NRG2: variants seen among roughly 807,000 people sequenced by gnomAD.
NRG2 encodes the protein neuregulin 2.
NRG2 carries 27 observed loss-of-function variants against 73.9 expected under a neutral mutation model. The ratio of observed to expected loss-of-function variants is 0.37; its 90% CI spans 0.27 to 0.50. NRG2 has a LOEUF of 0.50. Among genes scored for constraint, NRG2 ranks in the 20% least tolerant of loss-of-function variants. NRG2 has a pLI of 0.96. For missense variants in NRG2, 1,126 were observed against 1,210.1 expected (o/e 0.93, Z 1.03); for synonymous variants, 532 against 541.0 (o/e 0.98, Z 0.23).
rs571933635 is a variant in NRG2 at position 139,895,768 on chromosome 5, G to A, written c.701-8257C>T. ...CCACTATCATCTCTTCAGCTGCTGAGGGCAGAGGTCGGGGACAAAGCAGAG... is the reference window on the plus strand; with the variant it reads ...CCACTATCATCTCTTCAGCTGCTGAAGGCAGAGGTCGGGGACAAAGCAGAG... On this transcript the variant is annotated intron_variant, in intron 1 of 9. Coordinates refer to ENST00000361474, the MANE Select transcript of NRG2 (RefSeq NM_004883.3). Among the ~76,000 whole-genome samples, 5 of 152,354 alleles carry A rather than the reference G, an allele frequency of 3.3e-5. No homozygotes were observed. In the East Asian group the frequency reaches 9.6e-4, roughly 29 times the overall value.
chr5:139,931,129 T>G (rs1752439931), intron 1 of NRG2, among the ~76,000 whole-genome samples: 1 of 152,192 alleles, frequency 6.6e-6, no homozygotes, highest in South Asian at 2.1e-4. Flanking sequence ...ATGATACCTA[T>G]CATACAAGGG....
intron 1 of NRG2, among the ~76,000 whole-genome samples, chr5:139,889,002 C>T (rs1433590317): frequency 6.6e-6 from 1 of 152,084 alleles, no homozygotes; most frequent in East Asian, 1.9e-4. Context: ...ACAGTGTAAC[C>T]CTTTCGCCTG....
rs1273362768 is a variant in NRG2 at position 139,870,845 on chromosome 5, G to T, written c.1112+876C>A. Among the ~76,000 whole-genome samples the T allele has an allele frequency of 6.6e-6, 1 of 152,214 alleles. No homozygotes were observed. Among genetic ancestry groups the T allele is most frequent in the Non-Finnish European group, 1.5e-5 (1 of 68,028 alleles). ...TAGGCCCAGCTGCCCAGAAGATCTGGCTGGGCCTGAACGAGCCCTCCCTGA... is the reference window on the plus strand; with the variant it reads ...TAGGCCCAGCTGCCCAGAAGATCTGTCTGGGCCTGAACGAGCCCTCCCTGA... On this transcript the variant is annotated intron_variant, in intron 4 of 9. Transcript: ENST00000361474. The surrounding 1 kb of genome is among the most constrained non-coding windows in gnomAD (Gnocchi z 4.4).
rs1359455494 is a variant in NRG2, at chr5:139,856,569, C to A, written c.1190-791G>T. 6.6e-6 allele frequency among the ~76,000 whole-genome samples: 1 copy of A among 152,184 alleles called. No homozygotes were observed. Among genetic ancestry groups the A allele is most frequent in the Non-Finnish European group, 1.5e-5 (1 of 68,016 alleles). ...GCCCGGAGACCCCACCCGTGCCCAC[C>A]ACACCTGCTGGCTGGCCCCTCCTCC... On this transcript the variant is annotated intron_variant, in intron 5 of 9. Transcript: ENST00000361474. The surrounding 1 kb of genome is among the most constrained non-coding windows in gnomAD (Gnocchi z 4.2).
chr5:139,915,973 G>A lies in NRG2; in HGVS notation c.701-28462C>T, dbSNP rs562314094. The stretch of plus-strand genomic sequence containing the variant: ...GGGAACCAGGCTGCCCAGAGCACCT[G>A]GAGCTCATGCTAAGGGAATGAAAGG... On this transcript the variant is annotated intron_variant, in intron 1 of 9. Coordinates refer to ENST00000361474, the MANE Select transcript of NRG2 (RefSeq NM_004883.3). The surrounding 1 kb of genome is among the most constrained non-coding windows in gnomAD (Gnocchi z 4.0). Among the ~76,000 whole-genome samples the A allele has an allele frequency of 6.6e-6, 1 of 152,290 alleles. No individual in the cohort carries two copies. The highest frequency in any genetic ancestry group is 2.4e-5 in the African/African-American group (1 of 41,556).
chr5:139,861,225 T>C (rs1435329153), intron 5 of NRG2, among the ~76,000 whole-genome samples: 1 of 152,180 alleles, frequency 6.6e-6, no homozygotes. Context: ...CTAGCCTGGA[T>C]TGGCTCACTC....
At chr5:139,949,545 C>A (rs1011284631) in intron 1 of NRG2, among the ~76,000 whole-genome samples, 5 of 151,944 alleles carry the variant, frequency 3.3e-5, no homozygotes, top group African/African-American at 1.2e-4. Context: ...TAATTAGAAA[C>A]ATTTTGATGT....
intron 9 of NRG2, among the ~76,000 whole-genome samples, chr5:139,848,926 A>G (rs1372672858): frequency 6.6e-6 from 1 of 152,164 alleles, no homozygotes; most frequent in Non-Finnish European, 1.5e-5. Context: ...CATGGTGTTG[A>G]TTCCATAGCT....
chr5:139,983,354 G>A (rs1046627717), intron 1 of NRG2, among the ~76,000 whole-genome samples: 6 of 152,198 alleles, frequency 3.9e-5, no homozygotes, highest in East Asian at 1.9e-4. Context: ...AGTGCCCTGC[G>A]TCTGAGAGTG....
At chr5:139,987,441 A>G (rs1464825834) in intron 1 of NRG2, among the ~76,000 whole-genome samples, 2 of 151,596 alleles carry the variant, frequency 1.3e-5, no homozygotes, top group African/African-American at 4.8e-5. Flanking sequence ...GAAAGGACCC[A>G]AGGCAGGGGT....
At position 139,852,603 on chromosome 5, in the gene NRG2, A is replaced by G. The variant is rs1035194935; in HGVS notation, c.1417-44T>C. ...GGCGAGAGTTAGTGACTGGGGCCCAAATGAACTCTTTCTTGTTGGGGACAG... is the reference window on the plus strand; with the variant it reads ...GGCGAGAGTTAGTGACTGGGGCCCAGATGAACTCTTTCTTGTTGGGGACAG... On this transcript the variant is annotated intron_variant, in intron 7 of 9. Transcript: ENST00000361474. This position sits in a 1 kb window ranked among gnomAD's most constrained non-coding sequence, Gnocchi z 4.4. 8 of 1,599,868 alleles carry G rather than the reference A, an allele frequency of 5.0e-6. No homozygotes were observed. The highest frequency in any genetic ancestry group is 1.7e-4 in the Middle Eastern group (1 of 6,020).
rs576479729 is a variant in NRG2, at chr5:139,959,473, T to C, written c.701-71962A>G. Among the ~76,000 whole-genome samples, 6 of 152,054 alleles carry C rather than the reference T, an allele frequency of 3.9e-5. No individual in the cohort carries two copies. In the South Asian group the frequency reaches 6.2e-4, roughly 16 times the overall value. On this transcript the variant is annotated intron_variant, in intron 1 of 9. Transcript: ENST00000361474. ...CTCACCACAACCTCTGCCTCCTAGG[T>C]TCAAGCGATTCTCCTGCCTCAGCCT...
intron 1 of NRG2, among the ~76,000 whole-genome samples, chr5:139,924,112 G>A (rs184312227): frequency 6.6e-6 from 1 of 152,242 alleles, no homozygotes; most frequent in East Asian, 1.9e-4. Flanking sequence ...GTAAGGCCTG[G>A]TCCCATGTTC....
rs965854356 is a variant in NRG2, at chr5:139,848,250, G to A, written c.2220C>T (p.Pro740=). The part of the protein sequence containing the change: ...RGASRRTSAG[P]RRWRRSRLNG... ...TGAGGCGCGAGCGGCGCCAGCGCCG[G>A]GGCCCCGCCGACGTCCTGCGGGACG... The change falls in exon 10 of 10, where the codon CCC becomes CCT. Residue 740 remains proline (P), a synonymous_variant. Transcript: ENST00000361474. The A allele has an allele frequency of 8.0e-6, 9 of 1,121,952 alleles. No individual in the cohort carries two copies. The African/African-American group carries it at 1.0e-4, about 12-fold the overall frequency. The allele number at this position is 1,121,952 out of a possible 1,614,324, so 69.5% of individuals were successfully genotyped here.
chr5:139,982,137 A>G (rs1401658311), intron 1 of NRG2, among the ~76,000 whole-genome samples: 1 of 151,964 alleles, frequency 6.6e-6, no homozygotes, highest in Admixed American at 6.6e-5. Context: ...ACACCTCCTC[A>G]CTCTAGGGGT....
rs528142249 is a variant in NRG2 at position 139,929,132 on chromosome 5, C to G, written c.701-41621G>C. On this transcript the variant is annotated intron_variant, in intron 1 of 9. Coordinates refer to ENST00000361474, the MANE Select transcript of NRG2 (RefSeq NM_004883.3). ...CTCTTGGTCAACTCTCAAAGAGTGT[C>G]CAGCCCCATGGCCTGCCACTCAAGG... Among the ~76,000 whole-genome samples, 4 of 152,316 alleles carry G rather than the reference C, an allele frequency of 2.6e-5. No individual in the cohort carries two copies. In the South Asian group the frequency reaches 8.3e-4, roughly 32 times the overall value.
At chr5:140,001,365 C>T (rs1454691267) in intron 1 of NRG2, among the ~76,000 whole-genome samples, 1 of 152,124 alleles carries the variant, frequency 6.6e-6, no homozygotes, top group Non-Finnish European at 1.5e-5. Flanking sequence ...ACATGGTTAT[C>T]TCATTACCCT....
At chr5:139,913,575 A>G (rs777990043) in intron 1 of NRG2, among the ~76,000 whole-genome samples, 2 of 152,184 alleles carry the variant, frequency 1.3e-5, no homozygotes, top group African/African-American at 4.8e-5. Context: ...AGGGGTCCCT[A>G]TGAGAGCCTT....
chr5:139,941,763 T>C (rs1370096798), intron 1 of NRG2, among the ~76,000 whole-genome samples: 1 of 152,216 alleles, frequency 6.6e-6, no homozygotes, highest in Non-Finnish European at 1.5e-5. Context: ...AACATTGGAA[T>C]AAAACACTGC....
Sources: gnomAD v4.1 joint callset for allele counts (sites outside exome capture counted in the v4.1 genomes callset) on GRCh38, gnomAD v4.1.1 for gene constraint, Gnocchi (gnomAD v3.1) non-coding constraint, MANE v1.5 for transcripts, NCBI Gene and HGNC (gene_info 2026-07-23, HGNC 2026-07-21) for gene names.